The following TAFA1 variants were observed in gnomAD, a reference collection of about 807,000 sequenced individuals.
TAFA1 encodes TAFA chemokine like family member 1.
TAFA1 carries 4 observed loss-of-function variants against 18.5 expected under a neutral mutation model. The ratio of observed to expected loss-of-function variants is 0.22; its 90% CI spans 0.11 to 0.49. TAFA1 has a LOEUF of 0.49. TAFA1 is among the 20% of genes least tolerant of loss of function. The pLI is 0.98. For missense variants in TAFA1, 147 were observed against 169.0 expected (o/e 0.87, Z 0.72); for synonymous variants, 56 against 55.2 (o/e 1.01, Z -0.06).
intron 2 of TAFA1, among the ~76,000 whole-genome samples, chr3:68,122,796 G>A (rs1043455144): frequency 1.3e-5 from 2 of 151,828 alleles, no homozygotes; most frequent in African/African-American, 2.4e-5. Context: ...CTGTATATGT[G>A]TGTATATATA....
rs189368807 is a variant in TAFA1, at chr3:68,262,009, C to T, written c.119-155271C>T. Among the ~76,000 whole-genome samples, 208 of 151,158 alleles carry T rather than the reference C, an allele frequency of 1.4e-3. 1 individual carries two copies. Among genetic ancestry groups the T allele is most frequent in the African/African-American group, 4.8e-3 (198 of 41,276 alleles). On this transcript the variant is annotated intron_variant, in intron 2 of 4. Coordinates refer to ENST00000478136, the MANE Select transcript of TAFA1 (RefSeq NM_213609.4). ...AAAGTGAATTTATATCACCTACCTGCTAAAAGACTGATTTTATAAAATGAT... is the reference window on the plus strand; with the variant it reads ...AAAGTGAATTTATATCACCTACCTGTTAAAAGACTGATTTTATAAAATGAT...
At chr3:68,091,035 C>T (rs939471721) in intron 2 of TAFA1, among the ~76,000 whole-genome samples, 1 of 152,186 alleles carries the variant, frequency 6.6e-6, no homozygotes, top group Non-Finnish European at 1.5e-5. Flanking sequence ...AAGAAATAAT[C>T]TGCTTCAGAA....
chr3:68,201,995 C>T (rs965084900), intron 2 of TAFA1, among the ~76,000 whole-genome samples: 1 of 151,656 alleles, frequency 6.6e-6, no homozygotes, highest in Non-Finnish European at 1.5e-5. Context: ...AATCCAGTCT[C>T]ACCAGAATGA....
intron 3 of TAFA1, among the ~76,000 whole-genome samples, chr3:68,456,359 AT>A (rs1366067509): frequency 6.6e-6 from 1 of 151,986 alleles, no homozygotes; most frequent in East Asian, 1.9e-4. Context: ...CCTTTGTGGC[AT>A]TTTTTCCCCT....
At chr3:68,252,458 A>G (rs2067215302) in intron 2 of TAFA1, among the ~76,000 whole-genome samples, 1 of 152,218 alleles carries the variant, frequency 6.6e-6, no homozygotes, top group Non-Finnish European at 1.5e-5. Context: ...TGAATCTGAC[A>G]GTACTGGGCC....
intron 2 of TAFA1, among the ~76,000 whole-genome samples, chr3:68,281,846 A>T (rs569601896): frequency 2.6e-4 from 40 of 152,228 alleles, no homozygotes; most frequent in African/African-American, 9.6e-4. Flanking sequence ...TCCTTATAAT[A>T]AAGGATTGAT....
At chr3:68,380,271 G>C (rs2069913474) in intron 2 of TAFA1, among the ~76,000 whole-genome samples, 1 of 152,092 alleles carries the variant, frequency 6.6e-6, no homozygotes, top group Non-Finnish European at 1.5e-5. Flanking sequence ...ATAATCCTTT[G>C]GGTATATACG....
chr3:68,211,760 G>T (rs2066600194), intron 2 of TAFA1, among the ~76,000 whole-genome samples: 1 of 152,034 alleles, frequency 6.6e-6, no homozygotes, highest in East Asian at 1.9e-4. Context: ...TCCATAAAGA[G>T]AGGTGAGGCA....
intron 3 of TAFA1, among the ~76,000 whole-genome samples, chr3:68,471,960 T>G (rs1172617036): frequency 6.6e-6 from 1 of 152,204 alleles, no homozygotes. Context: ...GCGACTTGCC[T>G]ACTCTCAGAT....
At chr3:68,493,229 C>T (rs73092864) in intron 3 of TAFA1, among the ~76,000 whole-genome samples, 30,906 of 152,092 alleles carry the variant, frequency 0.2, 4,000 homozygotes, top group East Asian at 0.48. Context: ...CAAATATAAG[C>T]GGAATCATAC....
At chr3:68,237,139 G>A (rs142477688) in intron 2 of TAFA1, among the ~76,000 whole-genome samples, 2 of 152,308 alleles carry the variant, frequency 1.3e-5, no homozygotes, top group African/African-American at 4.8e-5. Flanking sequence ...TATTTCTCAA[G>A]GTTCTGGAGA....
At chr3:68,015,707 T>C (rs1411187711) in intron 2 of TAFA1, among the ~76,000 whole-genome samples, 1 of 152,188 alleles carries the variant, frequency 6.6e-6, no homozygotes, top group Non-Finnish European at 1.5e-5. Flanking sequence ...TTATGAAAGT[T>C]CTCCAAATCT....
intron 2 of TAFA1, among the ~76,000 whole-genome samples, chr3:68,152,750 C>T (rs2065821425): frequency 6.6e-6 from 1 of 152,086 alleles, no homozygotes; most frequent in African/African-American, 2.4e-5. Context: ...AGGTGGCCCC[C>T]ACCATCTCCA....
At chr3:68,407,396 C>A (rs994415324) in intron 2 of TAFA1, among the ~76,000 whole-genome samples, 5 of 152,196 alleles carry the variant, frequency 3.3e-5, no homozygotes, top group Non-Finnish European at 4.4e-5. Flanking sequence ...CATGAATGCC[C>A]TTCAGCTTCC....
chr3:68,462,910 T>C (rs2071812977), intron 3 of TAFA1, among the ~76,000 whole-genome samples: 1 of 152,250 alleles, frequency 6.6e-6, no homozygotes, highest in Non-Finnish European at 1.5e-5. Context: ...GAGTGTGATA[T>C]GTTTACCATT....
In TAFA1 at chr3:68,417,344, G is replaced by A. The variant is rs1282122685; in HGVS notation, c.183G>A (p.Arg61=). 8.1e-6 allele frequency: 13 copies of A among 1,613,296 alleles called. No individual in the cohort carries two copies. In the African/African-American group the frequency reaches 1.5e-4, roughly 18 times the overall value. Residue 61 remains arginine, a synonymous_variant, in exon 3 of 5, where the codon CGG becomes CGA. Transcript: ENST00000478136. The stretch of plus-strand genomic sequence containing the variant: ...GTAACAAGAATCGCATTGAGGAGCG[G>A]TCACAAACAGTAAAGTGTTCCTGTC... ...RCCNKNRIEE[R]SQTVKCSCLP...
At chr3:68,095,620 T>A (rs547435256) in intron 2 of TAFA1, among the ~76,000 whole-genome samples, 1 of 152,254 alleles carries the variant, frequency 6.6e-6, no homozygotes, top group South Asian at 2.1e-4. Context: ...TAAGACATGG[T>A]CCTCACCCTT....
chr3:68,376,036 T>G (rs1484790216), intron 2 of TAFA1, among the ~76,000 whole-genome samples: 2 of 152,194 alleles, frequency 1.3e-5, no homozygotes, highest in Non-Finnish European at 2.9e-5. Flanking sequence ...TTAAACTTTA[T>G]CTATTGTTTG....
chr3:68,405,432 G>A (rs1489019076), intron 2 of TAFA1, among the ~76,000 whole-genome samples: 1 of 151,726 alleles, frequency 6.6e-6, no homozygotes, highest in Non-Finnish European at 1.5e-5. Flanking sequence ...AGGATCACAT[G>A]AGAATGGGAG....
Sources: allele counts gnomAD v4.1 joint callset (sites outside exome capture counted in the v4.1 genomes callset), GRCh38; gene constraint gnomAD v4.1.1; transcripts MANE v1.5; gene names NCBI Gene and HGNC (gene_info 2026-07-23, HGNC 2026-07-21).